Variants in STK26 observed in about 807,000 individuals in gnomAD.
STK26 encodes serine/threonine kinase 26, also known as serine/threonine-protein kinase 26.
A neutral mutation model predicts 34.7 loss-of-function variants in STK26; 14 were observed. That is an observed-to-expected ratio of 0.40 (90% CI 0.27 to 0.63). The LOEUF (loss-of-function observed/expected upper bound fraction) is 0.63, where lower values mean the gene tolerates loss of function less well. STK26 is among the 30% of genes least tolerant of loss of function. The pLI is 0.38. For synonymous variants in STK26, 100 were observed against 109.8 expected (o/e 0.91, Z 0.56); for missense variants, 226 against 309.1 (o/e 0.73, Z 2.02).
At chrX:132,072,066 A>T (rs1044767953) in intron 8 of STK26, among the ~76,000 whole-genome samples, 1 of 111,586 alleles carries the variant, frequency 9.0e-6, no homozygotes, top group Non-Finnish European at 1.9e-5. Context: ...AATGAAGCAC[A>T]CACAGAGTTG....
chrX:132,044,496 C>A (rs1340382782), intron 2 of STK26, among the ~76,000 whole-genome samples: 1 of 107,779 alleles, frequency 9.3e-6, no homozygotes, highest in Non-Finnish European at 1.9e-5. Flanking sequence ...AAAATAGAGT[C>A]ATTTCCTAAT....
intron 2 of STK26, among the ~76,000 whole-genome samples, chrX:132,032,391 T>C (rs1278253273): frequency 8.9e-6 from 1 of 112,245 alleles, no homozygotes; most frequent in Non-Finnish European, 1.9e-5. Flanking sequence ...TCACTTTCTC[T>C]TTTTTGGTCA....
intron 2 of STK26, among the ~76,000 whole-genome samples, chrX:132,049,211 A>C (rs68146497): frequency 0.088 from 9,822 of 111,517 alleles, 382 homozygotes; most frequent in Non-Finnish European, 0.11. Flanking sequence ...TCTTGGACTC[A>C]GCTGAGCTCA....
At chrX:132,029,380 T>C (rs1925740104) in intron 2 of STK26, among the ~76,000 whole-genome samples, 1 of 111,945 alleles carries the variant, frequency 8.9e-6, no homozygotes, top group African/African-American at 3.3e-5. Context: ...GTTATTAGGA[T>C]GAATTAACCA....
At chrX:132,044,462 A>AT (rs1264362760) in intron 2 of STK26, among the ~76,000 whole-genome samples, 1 of 109,067 alleles carries the variant, frequency 9.2e-6, no homozygotes, top group Admixed American at 9.9e-5. Context: ...AGAAAATGGC[A>AT]TGAGTCAAAG....
rs1338728614 is a variant in STK26 at position 132,075,745 on chromosome X, TGG to T, written c.*1588_*1589del. On this transcript the variant is annotated 3_prime_UTR_variant, in exon 12 of 12. Coordinates refer to ENST00000394334, the MANE Select transcript of STK26 (RefSeq NM_016542.4). ...GGAGATAATTTTGCAACTCATGTTA[TGG>T]GTTAAATGAATATTTTTGTAAAAGT... 9 of 111,894 alleles carry T rather than the reference TGG, an allele frequency of 8.0e-5. No homozygotes were observed. The allele number at this position is 111,894 out of a possible 1,213,427, so 9.2% of individuals were successfully genotyped here.
intron 2 of STK26, among the ~76,000 whole-genome samples, chrX:132,044,688 T>TATATATATAG (rs754725330): frequency 4.6e-5 from 2 of 43,401 alleles, no homozygotes; most frequent in African/African-American, 2.3e-4. Context: ...TATATATATA[T>TATATATATAG]AGAGAGAGAG....
chrX:132,044,828 TAGAG>T (rs767044039), intron 2 of STK26, among the ~76,000 whole-genome samples: 1 of 53,030 alleles, frequency 1.9e-5, no homozygotes, highest in Non-Finnish European at 3.4e-5. Flanking sequence ...TTTATATATA[TAGAG>T]AGAGATCTAT....
At chrX:132,067,973 G>C (rs1927276901) in intron 4 of STK26, among the ~76,000 whole-genome samples, 1 of 111,206 alleles carries the variant, frequency 9.0e-6, no homozygotes, top group African/African-American at 3.3e-5. Context: ...ATAGGTAAAA[G>C]GGCTCGTATT....
chrX:132,043,870 G>A (rs989788932), intron 2 of STK26, among the ~76,000 whole-genome samples: 1 of 111,403 alleles, frequency 9.0e-6, no homozygotes, highest in African/African-American at 3.3e-5. Flanking sequence ...GTATAGCTCC[G>A]TATTCTTTCG....
chrX:132,023,708 CCGGTGCGCCCT>C, intron 2 of STK26, 49 bp downstream of exon 2: 1 of 1,154,478 alleles, frequency 8.7e-7, no homozygotes, highest in African/African-American at 1.8e-5. Context: ...GCTTGGGAGC[CCGGTGCGCCCT>C]CGGTGCTGGG....
At chrX:132,067,302 G>A (rs914837776) in intron 4 of STK26, among the ~76,000 whole-genome samples, 1 of 111,478 alleles carries the variant, frequency 9.0e-6, no homozygotes, top group Non-Finnish European at 1.9e-5. Context: ...GAGGCAGAGT[G>A]GGCAATGTTT....
At chrX:132,029,597 A>G (rs144152730) in intron 2 of STK26, among the ~76,000 whole-genome samples, 28 of 110,675 alleles carry the variant, frequency 2.5e-4, no homozygotes, top group Middle Eastern at 4.7e-3. Context: ...TCAGCTTTCC[A>G]TACTTTCTGT....
At position 132,072,254 on chromosome X, in the gene STK26, G is replaced by A; in HGVS notation, c.933-14G>A. ...TTTGGGCACTTATAGAGGTATCTTTGGCAATCTCTTTAGGGAATCTACCAG... is the reference window on the plus strand; with the variant it reads ...TTTGGGCACTTATAGAGGTATCTTTAGCAATCTCTTTAGGGAATCTACCAG... On this transcript the variant is annotated splice_polypyrimidine_tract_variant and intron_variant, in intron 8 of 11. Transcript: ENST00000394334. 1 of 1,182,182 alleles carries A rather than the reference G, an allele frequency of 8.5e-7. No homozygotes were observed. The highest frequency in any genetic ancestry group is 1.1e-6 in the Non-Finnish European group (1 of 869,580).
chrX:132,066,985 CT>C (rs1927246284), intron 4 of STK26, among the ~76,000 whole-genome samples: 2 of 111,785 alleles, frequency 1.8e-5, no homozygotes, highest in South Asian at 7.4e-4. Context: ...CATTTTCAAC[CT>C]TTCTAGAAGA....
chrX:132,070,084 G>A (rs934736850), intron 7 of STK26, among the ~76,000 whole-genome samples: 6 of 110,096 alleles, frequency 5.4e-5, no homozygotes, highest in Non-Finnish European at 9.5e-5. Flanking sequence ...TGTTGCCCAG[G>A]TTGGAGTGCA....
chrX:132,029,085 A>T (rs1238631629), intron 2 of STK26, among the ~76,000 whole-genome samples: 3 of 111,733 alleles, frequency 2.7e-5, no homozygotes. Flanking sequence ...ACACTAGGGG[A>T]GTAGGGACTG....
chrX:132,039,716 A>G (rs1926192520), intron 2 of STK26, among the ~76,000 whole-genome samples: 1 of 111,922 alleles, frequency 8.9e-6, no homozygotes, highest in East Asian at 2.8e-4. Context: ...TAAGGCTATA[A>G]TATTTGGCTT....
intron 2 of STK26, among the ~76,000 whole-genome samples, chrX:132,048,915 C>T (rs192573631): frequency 1.2e-3 from 135 of 112,224 alleles, no homozygotes; most frequent in Non-Finnish European, 1.4e-3. Flanking sequence ...CCTGTTTTCT[C>T]GAACTCAGCA....
Sources: allele counts gnomAD v4.1 joint callset (sites outside exome capture counted in the v4.1 genomes callset), GRCh38; gene constraint gnomAD v4.1.1; transcripts MANE v1.5; gene names NCBI Gene and HGNC (gene_info 2026-07-23, HGNC 2026-07-21).